The following ZNF462 variants were observed in gnomAD, a reference collection of about 807,000 sequenced individuals.
ZNF462 encodes the protein zinc finger protein 462, also known as zinc finger PBX1-interacting protein.
In ZNF462, 10 loss-of-function variants were observed where a neutral mutation model predicts 201.9. The ratio of observed to expected loss-of-function variants is 0.05; its 90% CI spans 0.03 to 0.08. The LOEUF (loss-of-function observed/expected upper bound fraction) is 0.08. ZNF462 is among the 10% of genes least tolerant of loss of function. The probability of loss-of-function intolerance (pLI) is 1.00; values close to 1 mark genes in which losing one functional copy is unlikely to be tolerated. For synonymous variants in ZNF462, 1,227 were observed against 1,193.3 expected (o/e 1.03, Z -0.58); for missense variants, 2,523 against 3,168.3 (o/e 0.80, Z 4.89).
intron 7 of ZNF462, among the ~76,000 whole-genome samples, chr9:106,960,826 T>G (rs1188850763): frequency 6.6e-6 from 1 of 152,126 alleles, no homozygotes; most frequent in Non-Finnish European, 1.5e-5. Flanking sequence ...GGACTGGGCA[T>G]TCAGGATCCC....
chr9:106,973,953 G>A (rs1260945576), intron 8 of ZNF462, among the ~76,000 whole-genome samples, 184 bp from the exon 9 acceptor site: 62 of 151,936 alleles, frequency 4.1e-4, no homozygotes, highest in Non-Finnish European at 5.9e-5. Context: ...ATTTGACAGT[G>A]TTCAGATTCG....
rs189682703 is a variant in ZNF462, at chr9:106,968,743, G to A, written c.6428-3262G>A. Among the ~76,000 whole-genome samples, 32 of 152,296 alleles carry A rather than the reference G, an allele frequency of 2.1e-4. No homozygotes were observed. Among genetic ancestry groups the A allele is most frequent in the African/African-American group, 5.3e-4 (22 of 41,572 alleles). ...TTCACATCCATGTGATTCAGCTGCT[G>A]TATTTCCCCATGACCAGAAGTCTGA... is the stretch of plus-strand genomic sequence containing the variant. On this transcript the variant is annotated intron_variant, in intron 7 of 12. Coordinates refer to ENST00000277225, the MANE Select transcript of ZNF462 (RefSeq NM_021224.6). This position sits in a 1 kb window ranked among gnomAD's most constrained non-coding sequence, Gnocchi z 4.0.
intron 1 of ZNF462, among the ~76,000 whole-genome samples, chr9:106,864,153 G>A (rs557624710): frequency 1.4e-5 from 2 of 147,466 alleles, no homozygotes; most frequent in East Asian, 2.0e-4. Context: ...TGTGTCGGGG[G>A]GTGGCTGCTG....
At position 106,939,335 on chromosome 9, in the gene ZNF462, G is replaced by A. The variant is rs549173101; in HGVS notation, c.6427+228G>A. ...ATGAAAATGGAATTCAGTGCTCATG[G>A]GAGTGTTGCTAGTGGAAAGAGCCTG... On this transcript the variant is annotated intron_variant, in intron 7 of 12. Transcript: ENST00000277225. Among the ~76,000 whole-genome samples, 5 of 152,278 alleles carry A rather than the reference G, an allele frequency of 3.3e-5. No individual in the cohort carries two copies. In the South Asian group the frequency reaches 1.0e-3, roughly 32 times the overall value.
chr9:106,893,580 C>G (rs541374269), intron 1 of ZNF462, among the ~76,000 whole-genome samples: 1 of 152,166 alleles, frequency 6.6e-6, no homozygotes, highest in African/African-American at 2.4e-5. Context: ...GCACTCGAAG[C>G]GATATCTCCT....
intron 1 of ZNF462, among the ~76,000 whole-genome samples, chr9:106,912,968 T>G (rs1255602212): frequency 6.6e-6 from 1 of 152,198 alleles, no homozygotes; most frequent in Admixed American, 6.5e-5. Context: ...CAGGATACTT[T>G]GCAAACAAGA....
At chr9:106,988,018 T>G (rs1009173120) in intron 10 of ZNF462, among the ~76,000 whole-genome samples, 3 of 152,206 alleles carry the variant, frequency 2.0e-5, no homozygotes, top group Non-Finnish European at 4.4e-5. Context: ...TCCATTGGTA[T>G]ATATGCCTAT....
chr9:106,957,704 A>T (rs1482719191), intron 7 of ZNF462, among the ~76,000 whole-genome samples: 3 of 152,160 alleles, frequency 2.0e-5, no homozygotes, highest in Non-Finnish European at 4.4e-5. Flanking sequence ...GAATCTAAGA[A>T]ATATGTATTA....
Position 106,870,289 on chromosome 9 carries a change from C to G in ZNF462, c.-31+6934C>G, listed in dbSNP as rs992929956. 2.6e-5 allele frequency among the ~76,000 whole-genome samples: 4 copies of G among 152,018 alleles called. No homozygotes were observed. The highest frequency in any genetic ancestry group is 9.7e-5 in the African/African-American group (4 of 41,402). Reference sequence around the variant, plus strand: ...TGGAGACATTTTTTCTTGAGTTATTCTTGGAGGGAAGGTTTTTTTTGTGTG... The same window carrying G: ...TGGAGACATTTTTTCTTGAGTTATTGTTGGAGGGAAGGTTTTTTTTGTGTG... On this transcript the variant is annotated intron_variant, in intron 1 of 12. Transcript: ENST00000277225. The surrounding 1 kb of genome is among the most constrained non-coding windows in gnomAD (Gnocchi z 4.3).
At chr9:106,991,838 CT>C (rs1425097526) in intron 10 of ZNF462, among the ~76,000 whole-genome samples, 12 of 128,134 alleles carry the variant, frequency 9.4e-5, no homozygotes, top group African/African-American at 3.3e-4. Flanking sequence ...ACAGCACTCT[CT>C]ACACACACAC....
At chr9:106,961,759 AGGGGAGTCTAAGG>A (rs1228302769) in intron 7 of ZNF462, among the ~76,000 whole-genome samples, 1 of 152,026 alleles carries the variant, frequency 6.6e-6, no homozygotes, top group African/African-American at 2.4e-5. Flanking sequence ...ATGTAGTAGT[AGGGGAGTCTAAGG>A]GGGGAATTTA....
rs1830389536 is a variant in ZNF462 at position 106,930,710 on chromosome 9, A to G, written c.6012+21A>G. On this transcript the variant is annotated intron_variant, in intron 4 of 12. Transcript: ENST00000277225. This position sits in a 1 kb window ranked among gnomAD's most constrained non-coding sequence, Gnocchi z 5.8. ...TGAAGGTGAGAACTGGAAGGTCTGG[A>G]TGAGCATTGTGTGTGAGCGATTCGA... 6.2e-7 allele frequency: 1 copy of G among 1,613,422 alleles called. No individual in the cohort carries two copies. Among genetic ancestry groups the G allele is most frequent in the Admixed American group, 1.7e-5 (1 of 60,018 alleles).
intron 7 of ZNF462, among the ~76,000 whole-genome samples, chr9:106,949,917 A>G (rs1319397911): frequency 1.3e-5 from 2 of 152,190 alleles, no homozygotes; most frequent in Non-Finnish European, 2.9e-5. Context: ...CAAATTCACC[A>G]TAACAGCTCC....
At chr9:106,888,311 G>A (rs1183368531) in intron 1 of ZNF462, among the ~76,000 whole-genome samples, 1 of 152,186 alleles carries the variant, frequency 6.6e-6, no homozygotes, top group African/African-American at 2.4e-5. Context: ...AAAGTGCTGG[G>A]ATTACAGGCG....
In ZNF462 at chr9:106,891,864, A is replaced by G. The variant is rs544223791; in HGVS notation, c.-31+28509A>G. ...CCTGAGAGACCCATCCATGCATTCTATTCTGTTAAACAAGGAAAATAATAA... is the reference window on the plus strand; with the variant it reads ...CCTGAGAGACCCATCCATGCATTCTGTTCTGTTAAACAAGGAAAATAATAA... On this transcript the variant is annotated intron_variant, in intron 1 of 12. Coordinates refer to ENST00000277225, the MANE Select transcript of ZNF462 (RefSeq NM_021224.6). 2.6e-4 allele frequency among the ~76,000 whole-genome samples: 39 copies of G among 152,194 alleles called. 1 individual carries two copies. The South Asian group carries it at 7.0e-3, about 27-fold the overall frequency.
rs909172417 is a variant in ZNF462, at chr9:106,993,805, C to T, written c.7056+9396C>T. The stretch of plus-strand genomic sequence containing the variant: ...TGTTGCCCAGGCTGAGGTGCAATGG[C>T]GCAATCATAGCTCACTGCATCTTCA... On this transcript the variant is annotated intron_variant, in intron 10 of 12. Transcript: ENST00000277225. This position sits in a 1 kb window ranked among gnomAD's most constrained non-coding sequence, Gnocchi z 4.0. 3.3e-5 allele frequency among the ~76,000 whole-genome samples: 5 copies of T among 151,996 alleles called. No homozygotes were observed. Among genetic ancestry groups the T allele is most frequent in the Admixed American group, 6.6e-5 (1 of 15,254 alleles).
Position 107,010,745 on chromosome 9 carries a change from G to T in ZNF462, c.7314-78G>T, listed in dbSNP as rs1829887380. 1 of 1,332,978 alleles carries T rather than the reference G, an allele frequency of 7.5e-7. No individual in the cohort carries two copies. Among genetic ancestry groups the T allele is most frequent in the African/African-American group, 1.5e-5 (1 of 67,004 alleles). The allele number at this position is 1,332,978 out of a possible 1,614,324, so 82.6% of individuals were successfully genotyped here. ...GATCAGGAAAATAAAGACACTCGAG[G>T]GTTTTTATTATTTTTTTGTTTAAAA... On this transcript the variant is annotated intron_variant, in intron 12 of 12. Transcript: ENST00000277225. This position sits in a 1 kb window ranked among gnomAD's most constrained non-coding sequence, Gnocchi z 4.6.
Position 106,920,925 on chromosome 9 carries a change from A to G in ZNF462, c.-30-2429A>G, listed in dbSNP as rs1475903529. ...TGTTGCATTATTTCTAAAGGCTTGA[A>G]GTTTTGAAGGGAAGAGATTTTGTTT... is the stretch of plus-strand genomic sequence containing the variant. On this transcript the variant is annotated intron_variant, in intron 1 of 12. Transcript: ENST00000277225. This position sits in a 1 kb window ranked among gnomAD's most constrained non-coding sequence, Gnocchi z 4.3. Among the ~76,000 whole-genome samples, 1 of 152,184 alleles carries G rather than the reference A, an allele frequency of 6.6e-6. No individual in the cohort carries two copies. The highest frequency in any genetic ancestry group is 1.5e-5 in the Non-Finnish European group (1 of 68,038).
chr9:106,918,329 A>G (rs1204357631), intron 1 of ZNF462, among the ~76,000 whole-genome samples: 1 of 152,204 alleles, frequency 6.6e-6, no homozygotes, highest in Non-Finnish European at 1.5e-5. Context: ...TTAATTACAT[A>G]TATCTGTATG....
Sources: gnomAD v4.1 joint callset for allele counts (sites outside exome capture counted in the v4.1 genomes callset) on GRCh38, gnomAD v4.1.1 for gene constraint, Gnocchi (gnomAD v3.1) non-coding constraint, MANE v1.5 for transcripts, NCBI Gene and HGNC (gene_info 2026-07-23, HGNC 2026-07-21) for gene names.